NIN: variants seen among roughly 807,000 people sequenced by gnomAD.
NIN encodes ninein, also known as glycogen synthase kinase 3 beta-interacting protein.
A neutral mutation model predicts 257.6 loss-of-function variants in NIN; 137 were observed. That is an observed-to-expected ratio of 0.53 (90% CI 0.46 to 0.61). The LOEUF is 0.61. NIN is among the 20% of genes least tolerant of loss of function. NIN has a pLI of 0.00. For synonymous variants in NIN, 918 were observed against 919.8 expected, an observed-to-expected ratio of 1.00 and a Z score of 0.04; for missense variants, 2,439 against 2,501.2, an observed-to-expected ratio of 0.98 and a Z score of 0.53.
intron 26 of NIN, among the ~76,000 whole-genome samples, chr14:50,738,488 G>A (rs941759375): frequency 1.3e-5 from 2 of 152,198 alleles, no homozygotes; most frequent in Admixed American, 6.5e-5. Context: ...TGCAAACCCA[G>A]GACTGTAGGA....
intron 4 of NIN, among the ~76,000 whole-genome samples, chr14:50,793,366 A>G (rs548701445): frequency 6.6e-6 from 1 of 152,114 alleles, no homozygotes; most frequent in Non-Finnish European, 1.5e-5. Context: ...TCCTCTGTTA[A>G]CCATTCCACT....
At chr14:50,745,774 T>A (rs2041508845) in intron 22 of NIN, among the ~76,000 whole-genome samples, 1 of 152,228 alleles carries the variant, frequency 6.6e-6, no homozygotes, top group African/African-American at 2.4e-5. Flanking sequence ...TAAACTGGCA[T>A]GTAACTTTTG....
intron 20 of NIN, among the ~76,000 whole-genome samples, chr14:50,753,867 C>G (rs2041908462): frequency 6.6e-6 from 1 of 152,038 alleles, no homozygotes; most frequent in Non-Finnish European, 1.5e-5. Flanking sequence ...ATAAGGCTAA[C>G]CATCTTTTGT....
chr14:50,724,475 TG>T (rs2040339746), intron 30 of NIN, among the ~76,000 whole-genome samples: 2 of 152,204 alleles, frequency 1.3e-5, no homozygotes, highest in South Asian at 4.1e-4. Flanking sequence ...CCTAGATGAC[TG>T]GCAGACATCA....
intron 24 of NIN, 64 bp downstream of exon 24, chr14:50,743,352 G>A: frequency 2.9e-6 from 3 of 1,051,460 alleles, no homozygotes; most frequent in Non-Finnish European, 4.5e-6. Flanking sequence ...TTTTTACCGG[G>A]ATTTCTGTTG....
At chr14:50,806,536 C>T in intron 4 of NIN, 1 of 455,100 alleles carries the variant, frequency 2.2e-6, no homozygotes, top group Non-Finnish European at 3.8e-6. Context: ...TACTATGCTG[C>T]TGTAGTAGAG....
intron 27 of NIN, among the ~76,000 whole-genome samples, 197 bp downstream of exon 27, chr14:50,737,943 C>A (rs2041077372): frequency 6.6e-6 from 1 of 152,114 alleles, no homozygotes; most frequent in African/African-American, 2.4e-5. Flanking sequence ...CCACACCCGG[C>A]CAAACTGTTA....
At chr14:50,786,318 A>G (rs1162128493) in intron 5 of NIN, among the ~76,000 whole-genome samples, 2 of 145,504 alleles carry the variant, frequency 1.4e-5, no homozygotes, top group East Asian at 2.1e-4. Flanking sequence ...CATCATGAAC[A>G]TTAATTCTTG....
Position 50,720,652 on chromosome 14 carries a change from G to C in NIN, c.*2811C>G, listed in dbSNP as rs759575365. On this transcript the variant is annotated 3_prime_UTR_variant, in exon 31 of 31. Coordinates refer to ENST00000530997, the MANE Select transcript of NIN (RefSeq NM_020921.4). Reference sequence around the variant, plus strand: ...AGTTTAAAAAATCTGGATTTAGTAAGAGTTTTAGAAAAATAAATAAAACAC... The same window carrying C: ...AGTTTAAAAAATCTGGATTTAGTAACAGTTTTAGAAAAATAAATAAAACAC... The C allele has an allele frequency of 3.4e-5, 7 of 207,072 alleles. No homozygotes were observed. Among genetic ancestry groups the C allele is most frequent in the Non-Finnish European group, 6.9e-5 (7 of 101,264 alleles). 12.8% of individuals were successfully genotyped at this position (207,072 alleles called of 1,614,324 possible).
At chr14:50,744,131 A>G (rs929027268) in intron 23 of NIN, 112 bp downstream of exon 23, 16 of 1,140,410 alleles carry the variant, frequency 1.4e-5, no homozygotes, top group Non-Finnish European at 1.8e-5. Context: ...GCTCCAGGAC[A>G]CTCTGGAACA....
chr14:50,778,684 T>A, intron 6 of NIN, 81 bp downstream of exon 6: 1 of 1,209,546 alleles, frequency 8.3e-7, no homozygotes, highest in Non-Finnish European at 1.2e-6. Flanking sequence ...GCCTGCAGCA[T>A]AAGAGATCAG....
At chr14:50,816,180 G>T (rs2044884547) in intron 3 of NIN, among the ~76,000 whole-genome samples, 1 of 151,986 alleles carries the variant, frequency 6.6e-6, no homozygotes, top group African/African-American at 2.4e-5. Flanking sequence ...GGAGGTAGGG[G>T]GTGGGTGGGG....
intron 29 of NIN, chr14:50,727,656 T>C (rs779499449): frequency 1.0e-5 from 15 of 1,442,808 alleles, no homozygotes; most frequent in Admixed American, 1.8e-5. Context: ...CTGTCTGCCA[T>C]GGTAAGAAAT....
chr14:50,792,251 G>T (rs1322127120), intron 5 of NIN: 1 of 158,030 alleles, frequency 6.3e-6, no homozygotes, highest in Non-Finnish European at 1.4e-5. Flanking sequence ...TGTTCGAGCT[G>T]CTTTATCACA....
chr14:50,735,632 C>A lies in NIN; in HGVS notation c.5776-15G>T. 3 of 1,599,296 alleles carry A rather than the reference C, an allele frequency of 1.9e-6. No homozygotes were observed. Among genetic ancestry groups the A allele is most frequent in the African/African-American group, 2.7e-5 (2 of 74,610 alleles). Reference sequence around the variant, plus strand: ...ATCTGACTGACCTGTTTAAAAAAAACAAAATATTCCCTTGAAACAGAAACA... The same window carrying A: ...ATCTGACTGACCTGTTTAAAAAAAAAAAAATATTCCCTTGAAACAGAAACA... On this transcript the variant is annotated splice_polypyrimidine_tract_variant and intron_variant, in intron 27 of 30. Coordinates refer to ENST00000530997, the MANE Select transcript of NIN (RefSeq NM_020921.4).
chr14:50,747,811 C>CTATAA (rs2041618226), intron 22 of NIN, among the ~76,000 whole-genome samples, 181 bp downstream of exon 22: 1 of 151,990 alleles, frequency 6.6e-6, no homozygotes, highest in East Asian at 1.9e-4. Flanking sequence ...TAGCAATAGC[C>CTATAA]TTTACAGATA....
intron 17 of NIN, among the ~76,000 whole-genome samples, 197 bp downstream of exon 17, chr14:50,759,660 A>C (rs936402335): frequency 6.6e-6 from 1 of 151,966 alleles, no homozygotes; most frequent in Non-Finnish European, 1.5e-5. Context: ...CGCCCGGCTA[A>C]TTTTTTGTAT....
intron 22 of NIN, among the ~76,000 whole-genome samples, chr14:50,744,708 T>G (rs1326504215): frequency 1.3e-5 from 2 of 151,930 alleles, no homozygotes; most frequent in African/African-American, 4.8e-5. Flanking sequence ...GAAGCCAAGG[T>G]GGGGAGGATC....
chr14:50,789,721 A>G (rs1043500010), intron 5 of NIN, among the ~76,000 whole-genome samples: 3 of 152,206 alleles, frequency 2.0e-5, no homozygotes, highest in African/African-American at 7.2e-5. Context: ...TAGAACAGGC[A>G]AGATCACTGG....
Sources: allele counts gnomAD v4.1 joint callset (sites outside exome capture counted in the v4.1 genomes callset), GRCh38; gene constraint gnomAD v4.1.1; transcripts MANE v1.5; gene names NCBI Gene and HGNC (gene_info 2026-07-23, HGNC 2026-07-21).